FLNB: variants seen among roughly 807,000 people sequenced by gnomAD.
The protein encoded by FLNB is filamin B, also known as filamin-B.
Under a neutral mutation model 250.6 loss-of-function variants are expected in FLNB, and 111 were observed. The ratio of observed to expected loss-of-function variants is 0.44; its 90% confidence interval spans 0.38 to 0.52. The LOEUF (loss-of-function observed/expected upper bound fraction) is 0.52. Ranked by LOEUF, FLNB falls within the 20% of genes least tolerant of loss-of-function variation. FLNB has a pLI of 0.00. For synonymous variants in FLNB, 1,302 were observed against 1,372.1 expected, an observed-to-expected ratio of 0.95 and a Z score of 1.13; for missense variants, 2,869 against 3,447.8, an observed-to-expected ratio of 0.83 and a Z score of 4.20.
intron 1 of FLNB, among the ~76,000 whole-genome samples, chr3:58,028,348 A>C (rs572045610): frequency 3.3e-5 from 5 of 152,014 alleles, no homozygotes; most frequent in African/African-American, 9.7e-5. Context: ...AAATTCTGTC[A>C]TGTGTACATG....
chr3:58,095,019 G>T, intron 5 of FLNB, 65 bp downstream of exon 5: 1 of 1,228,888 alleles, frequency 8.1e-7, no homozygotes, highest in Admixed American at 1.7e-5. Context: ...TTGTAATGCG[G>T]CCAGGGACTG....
rs780494761 is a variant in FLNB, at chr3:58,094,867, G to T, written c.819G>T (p.Gln273His). 4.3e-6 allele frequency: 7 copies of T among 1,614,034 alleles called. No homozygotes were observed. The highest frequency in any genetic ancestry group is 5.9e-6 in the Non-Finnish European group (7 of 1,180,006). ...AGCCCACTGGAAACATGGTGAAGCA[G>T]CCAGCCAAGTTCACTGTGGACACCA... Reference protein sequence around the residue: ...GIEPTGNMVKQPAKFTVDTIS... With the variant: ...GIEPTGNMVKHPAKFTVDTIS... The change falls in exon 5 of 46, where the codon CAG (glutamine) becomes CAT (histidine). Residue 273 changes from glutamine to histidine, a missense_variant. Gln to His is a conservative substitution (Grantham distance 24, BLOSUM62 0). Around this residue, in one of 5 missense-constraint regions of FLNB, gnomAD observed 308 missense variants for 466.1 expected, o/e 0.66. Transcript: ENST00000295956.
intron 1 of FLNB, among the ~76,000 whole-genome samples, chr3:58,041,730 G>A (rs1187488426): frequency 6.6e-6 from 1 of 152,134 alleles, no homozygotes; most frequent in Non-Finnish European, 1.5e-5. Context: ...GGTCACCTGG[G>A]TCATGTTTTT....
In FLNB at chr3:58,126,780, G is replaced by C. The variant is rs1471949811; in HGVS notation, c.4222+18G>C. On this transcript the variant is annotated intron_variant, in intron 24 of 45. Coordinates refer to ENST00000295956, the MANE Select transcript of FLNB (RefSeq NM_001457.4). ...CATCCCCGGTGAGCTATTCCTCAGA[G>C]AGGACCCCAGAGAATAATTGATTTT... 1.2e-6 allele frequency: 2 copies of C among 1,609,902 alleles called. No individual in the cohort carries two copies. The highest frequency in any genetic ancestry group is 3.3e-5 in the Admixed American group (2 of 59,984).
chr3:58,046,788 C>T (rs889903579), intron 1 of FLNB, among the ~76,000 whole-genome samples: 1 of 152,264 alleles, frequency 6.6e-6, no homozygotes, highest in South Asian at 2.1e-4. Flanking sequence ...TTAGCAGTCA[C>T]TCTCCCTTTC....
At chr3:58,025,542 C>A (rs1169810808) in intron 1 of FLNB, among the ~76,000 whole-genome samples, 1 of 152,172 alleles carries the variant, frequency 6.6e-6, no homozygotes, top group East Asian at 1.9e-4. Context: ...GCTCCTGGGC[C>A]TGAGTCTTGG....
chr3:58,170,819 T>G lies in FLNB; in HGVS notation c.*57T>G. ...TGTGGTTGCTTTTGTTGCTTGTTTG[T>G]AATTCATTTTATACAAAGCCCTCCA... On this transcript the variant is annotated 3_prime_UTR_variant, in exon 46 of 46. Coordinates refer to ENST00000295956, the MANE Select transcript of FLNB (RefSeq NM_001457.4). The G allele has an allele frequency of 6.6e-7, 1 of 1,506,920 alleles. No individual in the cohort carries two copies. The highest frequency in any genetic ancestry group is 1.2e-5 in the South Asian group (1 of 86,216). The allele number at this position is 1,506,920 out of a possible 1,614,324, so 93.3% of individuals were successfully genotyped here. A position where few individuals can be genotyped will look rare whatever the true frequency, so the allele number is the denominator to read the frequency against.
chr3:58,148,599 G>C, intron 35 of FLNB, 50 bp from the exon 36 acceptor site: 1 of 1,502,250 alleles, frequency 6.7e-7, no homozygotes, highest in Non-Finnish European at 9.3e-7. Context: ...TCTCTCTCCT[G>C]CTTCCTCTCC....
At chr3:58,103,265 GGTGTGTGTGT>G (rs10571409) in intron 9 of FLNB, among the ~76,000 whole-genome samples, 18 of 148,174 alleles carry the variant, frequency 1.2e-4, no homozygotes, top group Admixed American at 3.4e-4. Context: ...AGCCAAGGAG[GGTGTGTGTGT>G]GTGTGTGTGT....
rs548081081 is a variant in FLNB at position 58,102,491 on chromosome 3, G to A, written c.1483+151G>A. 49 of 910,296 alleles carry A rather than the reference G, an allele frequency of 5.4e-5. 1 individual carries two copies. Among genetic ancestry groups the A allele is most frequent in the South Asian group, 4.5e-4 (33 of 72,810 alleles). 56.4% of individuals were successfully genotyped at this position (910,296 alleles called of 1,614,324 possible). Reference sequence around the variant, plus strand: ...GCTATCTGGGCTCCTTGGGGAAGACGGCAGTGATTGATTAGTAATGTCTGC... The same window carrying A: ...GCTATCTGGGCTCCTTGGGGAAGACAGCAGTGATTGATTAGTAATGTCTGC... On this transcript the variant is annotated intron_variant, in intron 9 of 45. Transcript: ENST00000295956.
At chr3:58,168,825 A>G in intron 44 of FLNB, 167 bp downstream of exon 44, 2 of 679,112 alleles carry the variant, frequency 2.9e-6, no homozygotes, top group African/African-American at 1.8e-5. Flanking sequence ...GAAACTTACA[A>G]AAGTCCACAG....
rs759025662 is a variant in FLNB, at chr3:58,142,299, A to G, written c.5182-351A>G. Among the ~76,000 whole-genome samples, 10 of 152,198 alleles carry G rather than the reference A, an allele frequency of 6.6e-5. No individual in the cohort carries two copies. The highest frequency in any genetic ancestry group is 1.2e-4 in the Non-Finnish European group (8 of 68,030). ...CCACTGCTACTCTCTGCCACTTAAA[A>G]TGCACCTTCTTTTCCAGGCCACAAG... On this transcript the variant is annotated intron_variant, in intron 30 of 45. Coordinates refer to ENST00000295956, the MANE Select transcript of FLNB (RefSeq NM_001457.4). The surrounding 1 kb of genome is among the most constrained non-coding windows in gnomAD (Gnocchi z 4.3).
chr3:58,109,355 T>C (rs752419399), intron 14 of FLNB, 33 bp downstream of exon 14: 4 of 1,601,848 alleles, frequency 2.5e-6, no homozygotes, highest in Non-Finnish European at 3.4e-6. Context: ...GGCTGTTTTA[T>C]GGAAATGCCT....
intron 1 of FLNB, among the ~76,000 whole-genome samples, chr3:58,073,012 A>T (rs140519874): frequency 7.8e-4 from 119 of 152,288 alleles, no homozygotes; most frequent in African/African-American, 2.8e-3. Context: ...TTAACATATA[A>T]CTTGGGAAAG....
chr3:58,133,016 C>A, intron 26 of FLNB, 85 bp downstream of exon 26: 1 of 1,468,324 alleles, frequency 6.8e-7, no homozygotes, highest in Non-Finnish European at 9.3e-7. Flanking sequence ...TCCACCCATC[C>A]GTTCCTCCAT....
chr3:58,141,183 G>C (rs902289546), intron 29 of FLNB, among the ~76,000 whole-genome samples: 1 of 152,150 alleles, frequency 6.6e-6, no homozygotes, highest in African/African-American at 2.4e-5. Context: ...GGCCCAGAAG[G>C]TTGAGGCTGT....
chr3:58,110,780 G>T (rs538098255), intron 16 of FLNB, among the ~76,000 whole-genome samples: 1 of 152,056 alleles, frequency 6.6e-6, no homozygotes, highest in African/African-American at 2.4e-5. Context: ...TAGTAGAGAC[G>T]GTTGCCCAGA....
At chr3:58,051,608 T>G (rs2097162515) in intron 1 of FLNB, among the ~76,000 whole-genome samples, 1 of 152,178 alleles carries the variant, frequency 6.6e-6, no homozygotes, top group South Asian at 2.1e-4. Context: ...TGGAAAGCTT[T>G]TAAATTGCTG....
chr3:58,027,687 C>T (rs1474876232), intron 1 of FLNB, among the ~76,000 whole-genome samples: 26 of 152,206 alleles, frequency 1.7e-4, no homozygotes, highest in Admixed American at 1.6e-3. Flanking sequence ...GGTCTGTGTC[C>T]CCCAAGCTTC....
Sources: allele counts gnomAD v4.1 joint callset (sites outside exome capture counted in the v4.1 genomes callset), GRCh38; gene constraint gnomAD v4.1.1; regional missense constraint gnomAD v4.1.1; non-coding constraint Gnocchi (gnomAD v3.1); transcripts MANE v1.5; gene names NCBI Gene and HGNC (gene_info 2026-07-23, HGNC 2026-07-21).